The following PLA2G4C variants were observed in gnomAD, a reference collection of about 807,000 sequenced individuals.
PLA2G4C encodes the protein phospholipase A2 group IVC, also known as cytosolic phospholipase A2 gamma.
A neutral mutation model predicts 73.8 loss-of-function variants in PLA2G4C; 64 were observed. That is an observed-to-expected ratio of 0.87 (90% CI 0.71 to 1.07). The LOEUF is 1.07. Ranked by LOEUF, PLA2G4C falls within the 50% of genes least tolerant of loss-of-function variation. The pLI is 0.00. For synonymous variants in PLA2G4C, 254 were observed against 252.1 expected, an observed-to-expected ratio of 1.01 and a Z score of -0.07; for missense variants, 622 against 665.4, an observed-to-expected ratio of 0.93 and a Z score of 0.72.
intron 12 of PLA2G4C, 122 bp downstream of exon 12, chr19:48,074,645 A>G: frequency 2.7e-6 from 2 of 733,408 alleles, no homozygotes; most frequent in Admixed American, 1.9e-5. Context: ...TCCAAACTGT[A>G]CCAGTGGGAC....
Position 48,072,175 on chromosome 19 carries a change from CAA to C in PLA2G4C, c.1006+2590_1006+2591del, listed in dbSNP as rs756960784. ...AAACAAACAAAAACAAAAAACAAAA[CAA>C]AAAAAAGTACGTTTTTTAAAAGAAA... On this transcript the variant is annotated intron_variant, in intron 12 of 16. Transcript: ENST00000599921. This position sits in a 1 kb window ranked among gnomAD's most constrained non-coding sequence, Gnocchi z 4.4. Among the ~76,000 whole-genome samples the C allele has an allele frequency of 6.6e-6, 1 of 151,622 alleles. No individual in the cohort carries two copies. The highest frequency in any genetic ancestry group is 1.5e-5 in the Non-Finnish European group (1 of 67,918).
At chr19:48,063,104 G>A (rs1192013981) in intron 13 of PLA2G4C, among the ~76,000 whole-genome samples, 1 of 152,052 alleles carries the variant, frequency 6.6e-6, no homozygotes, top group Non-Finnish European at 1.5e-5. Flanking sequence ...GAGTGCAGTG[G>A]CGCAATCTCC....
intron 15 of PLA2G4C, among the ~76,000 whole-genome samples, chr19:48,053,399 C>T (rs1468678519): frequency 3.0e-5 from 4 of 133,902 alleles, no homozygotes; most frequent in African/African-American, 1.2e-4. Context: ...GACAGAGGCT[C>T]GCTCTTGTCT....
intron 16 of PLA2G4C, among the ~76,000 whole-genome samples, chr19:48,050,673 C>CTTTTTTTTTTTTTTT (rs5828330): frequency 0.019 from 1,492 of 78,642 alleles, 329 homozygotes; most frequent in East Asian, 0.041. Flanking sequence ...GAGTATGTGA[C>CTTTTTTTTTTTTTTT]TTTTTTTTTT....
chr19:48,110,407 T>C, intron 1 of PLA2G4C, 80 bp downstream of exon 1: 2 of 887,202 alleles, frequency 2.3e-6, no homozygotes, highest in Middle Eastern at 2.5e-4. Flanking sequence ...AATCCTGTTA[T>C]TTAATTGCAC....
chr19:48,052,977 G>A lies in PLA2G4C; in HGVS notation c.1580+20C>T, dbSNP rs370567613. On this transcript the variant is annotated intron_variant, in intron 16 of 16. Transcript: ENST00000599921. The stretch of plus-strand genomic sequence containing the variant: ...ACTGAACGAGCATAGGCATCAGAGC[G>A]ACTATGGTCTCCCACCTACCCGGCC... The A allele has an allele frequency of 4.1e-5, 65 of 1,593,318 alleles. No homozygotes were observed. The Middle Eastern group carries it at 3.9e-3, about 95-fold the overall frequency.
In PLA2G4C at chr19:48,061,949, C is replaced by A. The variant is rs374346438; in HGVS notation, c.1257+49G>T. On this transcript the variant is annotated intron_variant, in intron 14 of 16. Coordinates refer to ENST00000599921, the MANE Select transcript of PLA2G4C (RefSeq NM_003706.3). Reference sequence around the variant, plus strand: ...AGTTCCTCCGCAAAGTCAGCTTCGCCGCAGCCCACCTCCCACCCAGGACCG... The same window carrying A: ...AGTTCCTCCGCAAAGTCAGCTTCGCAGCAGCCCACCTCCCACCCAGGACCG... 6.3e-6 allele frequency: 10 copies of A among 1,593,444 alleles called. No individual in the cohort carries two copies. In the Admixed American group the frequency reaches 8.5e-5, roughly 13 times the overall value.
At chr19:48,095,864 A>T (rs541828504) in intron 6 of PLA2G4C, among the ~76,000 whole-genome samples, 6 of 152,164 alleles carry the variant, frequency 3.9e-5, no homozygotes, top group Non-Finnish European at 8.8e-5. Flanking sequence ...TCTCTCTTCC[A>T]TCTCATTGTG....
chr19:48,068,740 A>G (rs868691854), intron 12 of PLA2G4C, among the ~76,000 whole-genome samples: 14 of 151,620 alleles, frequency 9.2e-5, no homozygotes, highest in Admixed American at 2.6e-4. Context: ...CTAAAAAAAA[A>G]AAAAAAAGAA....
At chr19:48,068,731 TAAAA>T (rs532183992) in intron 12 of PLA2G4C, among the ~76,000 whole-genome samples, 2 of 97,784 alleles carry the variant, frequency 2.0e-5, no homozygotes, top group Admixed American at 1.1e-4. Context: ...ACCTTGTATC[TAAAA>T]AAAAAAAAAA....
At chr19:48,079,347 A>G (rs1295648729) in intron 10 of PLA2G4C, among the ~76,000 whole-genome samples, 1 of 152,228 alleles carries the variant, frequency 6.6e-6, no homozygotes, top group Non-Finnish European at 1.5e-5. Context: ...AACAGAATAG[A>G]GAGCCCAGAA....
At chr19:48,067,720 A>AC (rs1226710347) in intron 13 of PLA2G4C, 71 bp downstream of exon 13, 8 of 1,034,098 alleles carry the variant, frequency 7.7e-6, no homozygotes, top group Non-Finnish European at 1.1e-5. Flanking sequence ...TTTCAGGCCC[A>AC]CCCCCTTCCC....
intron 6 of PLA2G4C, chr19:48,097,926 G>A (rs963144515): frequency 2.2e-6 from 1 of 461,322 alleles, no homozygotes; most frequent in Non-Finnish European, 3.8e-6. Flanking sequence ...CCTCTTAAAG[G>A]TTTTCTTGAT....
chr19:48,055,402 T>TATATATATA (rs1296876598), intron 14 of PLA2G4C, among the ~76,000 whole-genome samples: 1 of 148,386 alleles, frequency 6.7e-6, no homozygotes, highest in Non-Finnish European at 1.5e-5. Context: ...TATATATATA[T>TATATATATA]ATATATATTT....
intron 14 of PLA2G4C, chr19:48,061,644 C>A (rs898053529): frequency 2.2e-5 from 5 of 226,754 alleles, no homozygotes; most frequent in Non-Finnish European, 4.4e-5. Flanking sequence ...GGAAGACACG[C>A]GCTCGGGGCT....
At chr19:48,069,674 A>G (rs567604081) in intron 12 of PLA2G4C, among the ~76,000 whole-genome samples, 66 of 152,318 alleles carry the variant, frequency 4.3e-4, no homozygotes, top group African/African-American at 1.5e-3. Context: ...GCAAGAGAGC[A>G]AAGCTAGTAG....
intron 6 of PLA2G4C, chr19:48,097,251 CT>C (rs1176855747): frequency 8.9e-4 from 77 of 86,560 alleles, no homozygotes; most frequent in African/African-American, 1.1e-3. Context: ...TTTCTTTTTT[CT>C]TTTTTTTTTT....
chr19:48,108,713 G>C (rs2032347996), intron 1 of PLA2G4C: 1 of 152,270 alleles, frequency 6.6e-6, no homozygotes, highest in South Asian at 2.1e-4. Flanking sequence ...AGGATCACTT[G>C]AGGTCAGGAG....
chr19:48,075,028 T>C (rs1452837783), intron 11 of PLA2G4C, among the ~76,000 whole-genome samples, 154 bp from the exon 12 acceptor site: 1 of 152,114 alleles, frequency 6.6e-6, no homozygotes, highest in Non-Finnish European at 1.5e-5. Context: ...TGCCTTCTGC[T>C]GACCCCCATG....
Sources: gnomAD v4.1 joint callset for allele counts (sites outside exome capture counted in the v4.1 genomes callset) on GRCh38, gnomAD v4.1.1 for gene constraint, Gnocchi (gnomAD v3.1) non-coding constraint, MANE v1.5 for transcripts, NCBI Gene and HGNC (gene_info 2026-07-23, HGNC 2026-07-21) for gene names.